Variants in TERT observed in about 807,000 individuals in gnomAD.
TERT encodes telomerase reverse transcriptase, also known as telomerase catalytic subunit.
TERT carries 42 observed loss-of-function variants against 104.0 expected under a neutral mutation model. That is an observed-to-expected ratio of 0.40 (90% CI 0.32 to 0.52). The LOEUF is 0.52. Among genes scored for constraint, TERT ranks in the 20% least tolerant of loss-of-function variants. The probability of loss-of-function intolerance (pLI) is 0.43; values close to 1 mark genes in which losing one functional copy is unlikely to be tolerated. For synonymous variants in TERT, 781 were observed against 725.6 expected, an observed-to-expected ratio of 1.08 and a Z score of -1.23; for missense variants, 1,101 against 1,610.3, an observed-to-expected ratio of 0.68 and a Z score of 5.41.
chr5:1,278,758 G>A lies in TERT; in HGVS notation c.2169C>T (p.Asp723=), dbSNP rs368762140. The change falls in exon 6 of 16, where the codon GAC becomes GAT. Residue 723 remains aspartate (D), a synonymous_variant. Transcript: ENST00000310581. ...TGCTGGCGATGACCTCCGTGAGCCT[G>A]TCCTGGGGGATGGTGTCGTACGCGC... ...VTGAYDTIPQ[D]RLTEVIASII... is the part of the protein sequence containing the mutation. 9.3e-6 allele frequency: 15 copies of A among 1,614,184 alleles called. No homozygotes were observed. The African/African-American group carries it at 1.5e-4, about 16-fold the overall frequency.
chr5:1,271,410 G>T (rs1009541087), intron 7 of TERT, among the ~76,000 whole-genome samples: 1 of 152,216 alleles, frequency 6.6e-6, no homozygotes, highest in Non-Finnish European at 1.5e-5. Context: ...GACACAGAAT[G>T]TCTCCTCTGG....
rs1579564043 is a variant in TERT at position 1,271,603 on chromosome 5, G to A, written c.2383-399C>T. Among the ~76,000 whole-genome samples, 4 of 152,154 alleles carry A rather than the reference G, an allele frequency of 2.6e-5. No individual in the cohort carries two copies. The South Asian group carries it at 8.3e-4, about 32-fold the overall frequency. The stretch of plus-strand genomic sequence containing the variant: ...CCCAGAGGTCTCTGAGCCTCATGCG[G>A]TGGACACGACTGTCCCCTAGAGCCG... On this transcript the variant is annotated intron_variant, in intron 7 of 15. Coordinates refer to ENST00000310581, the MANE Select transcript of TERT (RefSeq NM_198253.3).
At chr5:1,284,756 A>C (rs1243622146) in intron 2 of TERT, among the ~76,000 whole-genome samples, 91 of 68,070 alleles carry the variant, frequency 1.3e-3, no homozygotes, top group African/African-American at 1.5e-3. Flanking sequence ...GTGACCTCAC[A>C]CCGGACCTGC....
chr5:1,275,448 A>G (rs1749492774), intron 6 of TERT, among the ~76,000 whole-genome samples: 1 of 152,044 alleles, frequency 6.6e-6, no homozygotes, highest in Admixed American at 6.6e-5. Context: ...CCAAGGACGG[A>G]GCGTAGCCAG....
intron 15 of TERT, 101 bp downstream of exon 15, chr5:1,254,267 G>A (rs766558130): frequency 7.8e-5 from 121 of 1,543,712 alleles, no homozygotes; most frequent in Middle Eastern, 1.7e-4. Context: ...GCCCGGGGGC[G>A]TCTGCACTTC....
At position 1,255,182 on chromosome 5, in the gene TERT, C is replaced by G. The variant is rs113604559; in HGVS notation, c.3157+105G>C. ...GGTTGGGTTAAACCACTTCCTGATG[C>G]GAAAAGGGGTAAGAACTTCCTAAGC... is the stretch of plus-strand genomic sequence containing the variant. On this transcript the variant is annotated intron_variant, in intron 14 of 15. Transcript: ENST00000310581. This position sits in a 1 kb window ranked among gnomAD's most constrained non-coding sequence, Gnocchi z 6.9. 7.7e-5 allele frequency: 113 copies of G among 1,468,662 alleles called. No individual in the cohort carries two copies. The African/African-American group carries it at 1.2e-3, about 16-fold the overall frequency. The allele number at this position is 1,468,662 out of a possible 1,614,324, so 91.0% of individuals were successfully genotyped here.
chr5:1,265,062 G>T lies in TERT; in HGVS notation c.2655-470C>A, dbSNP rs1449616286. 6.6e-6 allele frequency among the ~76,000 whole-genome samples: 1 copy of T among 152,240 alleles called. No homozygotes were observed. Among genetic ancestry groups the T allele is most frequent in the Admixed American group, 6.5e-5 (1 of 15,282 alleles). On this transcript the variant is annotated intron_variant, in intron 10 of 15. Coordinates refer to ENST00000310581, the MANE Select transcript of TERT (RefSeq NM_198253.3). This position sits in a 1 kb window ranked among gnomAD's most constrained non-coding sequence, Gnocchi z 6.9. Reference sequence around the variant, plus strand: ...GCATCTGCTGTGCTTTAGACAAAGGGGAGGGTTCTGAGTTCCTGCTCAGGC... The same window carrying T: ...GCATCTGCTGTGCTTTAGACAAAGGTGAGGGTTCTGAGTTCCTGCTCAGGC...
intron 7 of TERT, among the ~76,000 whole-genome samples, chr5:1,271,759 G>A (rs774147423): frequency 2.6e-5 from 4 of 152,166 alleles, no homozygotes; most frequent in African/African-American, 4.8e-5. Flanking sequence ...GCTCAAACAC[G>A]GCCCGTCCTC....
In TERT at chr5:1,268,371, C is replaced by A. The variant is rs576404979; in HGVS notation, c.2582+149G>T. Reference sequence around the variant, plus strand: ...CTCAGGCTGTGCAACCCCTCCCGTGCGGCTTCATACCAAGAAGGGGCTGCA... The same window carrying A: ...CTCAGGCTGTGCAACCCCTCCCGTGAGGCTTCATACCAAGAAGGGGCTGCA... On this transcript the variant is annotated intron_variant, in intron 9 of 15. Transcript: ENST00000310581. This position sits in a 1 kb window ranked among gnomAD's most constrained non-coding sequence, Gnocchi z 5.5. 3.4e-5 allele frequency: 23 copies of A among 670,028 alleles called. No homozygotes were observed. Among genetic ancestry groups the A allele is most frequent in the South Asian group, 2.2e-4 (12 of 55,648 alleles). The allele number at this position is 670,028 out of a possible 1,614,324, so 41.5% of individuals were successfully genotyped here.
intron 10 of TERT, among the ~76,000 whole-genome samples, chr5:1,266,161 G>A (rs1336158038): frequency 2.6e-5 from 4 of 152,178 alleles, no homozygotes; most frequent in East Asian, 1.9e-4. Context: ...CCCAGGAGCC[G>A]CCACTCTTGA....
intron 6 of TERT, among the ~76,000 whole-genome samples, 175 bp from the exon 7 acceptor site, chr5:1,272,455 C>T (rs191827020): frequency 2.6e-5 from 4 of 151,774 alleles, no homozygotes; most frequent in East Asian, 3.9e-4. Context: ...GGGCCGAGGA[C>T]GCAAAGTAGC....
chr5:1,280,964 G>A (rs35079836), intron 3 of TERT, among the ~76,000 whole-genome samples: 6,379 of 152,286 alleles, frequency 0.042, 466 homozygotes, highest in African/African-American at 0.14. Flanking sequence ...CACTGGGGCC[G>A]CGGGTGCTCC....
rs763270537 is a variant in TERT, at chr5:1,293,626, G to A, written c.1260C>T (p.Thr420=). Residue 420 remains threonine, a synonymous_variant, in exon 2 of 16, where the codon ACC becomes ACT. Coordinates refer to ENST00000310581, the MANE Select transcript of TERT (RefSeq NM_198253.3). ...KTHCPLRAAV[T]PAAGVCAREK... ...CCCGGGCACAGACACCGGCTGCTGG[G>A]GTGACCGCAGCTCGCAGCGGGCAGT... is the stretch of plus-strand genomic sequence containing the variant. 6.4e-7 allele frequency: 1 copy of A among 1,552,796 alleles called. No homozygotes were observed. Among genetic ancestry groups the A allele is most frequent in the East Asian group, 2.4e-5 (1 of 41,410 alleles).
At chr5:1,279,102 G>A (rs560729033) in intron 5 of TERT, among the ~76,000 whole-genome samples, 189 bp downstream of exon 5, 18 of 152,152 alleles carry the variant, frequency 1.2e-4, no homozygotes, top group Non-Finnish European at 2.5e-4. Flanking sequence ...GTGCACAGTC[G>A]GCCCCATGTG....
At chr5:1,267,628 T>C (rs187568769) in intron 9 of TERT, among the ~76,000 whole-genome samples, 1 of 152,302 alleles carries the variant, frequency 6.6e-6, no homozygotes, top group East Asian at 1.9e-4. Context: ...ATGTGGCACA[T>C]ATACACCACG....
Position 1,270,949 on chromosome 5 carries a change from G to A in TERT, c.2468+170C>T, listed in dbSNP as rs1321427651. ...GCCGCAAGCCGAGCCATGTTTCCGG[G>A]GCCTCGGGAGCCTGCAGCCCAGGAG... is the stretch of plus-strand genomic sequence containing the variant. On this transcript the variant is annotated intron_variant, in intron 8 of 15. Transcript: ENST00000310581. This position sits in a 1 kb window ranked among gnomAD's most constrained non-coding sequence, Gnocchi z 8.3. Among the ~76,000 whole-genome samples, 1 of 152,218 alleles carries A rather than the reference G, an allele frequency of 6.6e-6. No homozygotes were observed. The highest frequency in any genetic ancestry group is 1.5e-5 in the Non-Finnish European group (1 of 68,042).
chr5:1,273,719 G>A (rs55790540), intron 6 of TERT, among the ~76,000 whole-genome samples: 1 of 21,900 alleles, frequency 4.6e-5, no homozygotes, highest in Non-Finnish European at 6.6e-5. Context: ...CCCCACGACC[G>A]CCATCCACAG....
Position 1,256,897 on chromosome 5 carries a change from G to A in TERT, c.3033-1486C>T, listed in dbSNP as rs1392844574. On this transcript the variant is annotated intron_variant, in intron 13 of 15. Transcript: ENST00000310581. This position sits in a 1 kb window ranked among gnomAD's most constrained non-coding sequence, Gnocchi z 7.0. ...CCCGTGTGGAGGCGCGGCCAGCACG[G>A]GCCAGGAAGGCCGAGCCCCAGCGGA... Among the ~76,000 whole-genome samples, 1 of 152,124 alleles carries A rather than the reference G, an allele frequency of 6.6e-6. No homozygotes were observed. Among genetic ancestry groups the A allele is most frequent in the East Asian group, 1.9e-4 (1 of 5,158 alleles).
Position 1,263,169 on chromosome 5 carries a change from C to T in TERT, c.2843+1235G>A, listed in dbSNP as rs1042159266. 1.6e-4 allele frequency among the ~76,000 whole-genome samples: 24 copies of T among 152,176 alleles called. No individual in the cohort carries two copies. Among genetic ancestry groups the T allele is most frequent in the African/African-American group, 5.5e-4 (23 of 41,446 alleles). On this transcript the variant is annotated intron_variant, in intron 11 of 15. Transcript: ENST00000310581. The surrounding 1 kb of genome is among the most constrained non-coding windows in gnomAD (Gnocchi z 5.3). Reference sequence around the variant, plus strand: ...CCTGCTGCTCCCCCATGAAGCAAACCCCAGGGAGCATTCTGGAAAGAGGCA... The same window carrying T: ...CCTGCTGCTCCCCCATGAAGCAAACTCCAGGGAGCATTCTGGAAAGAGGCA...
Sources: gnomAD v4.1 joint callset for allele counts (sites outside exome capture counted in the v4.1 genomes callset) on GRCh38, gnomAD v4.1.1 for gene constraint, Gnocchi (gnomAD v3.1) non-coding constraint, MANE v1.5 for transcripts, NCBI Gene and HGNC (gene_info 2026-07-23, HGNC 2026-07-21) for gene names.